ARHGEF17: variants seen among roughly 807,000 people sequenced by gnomAD.
ARHGEF17 encodes Rho guanine nucleotide exchange factor 17, also known as 164 kDa Rho-specific guanine-nucleotide exchange factor.
A neutral mutation model predicts 174.0 loss-of-function variants in ARHGEF17; 80 were observed. The observed-to-expected ratio is 0.46, with a 90% CI of 0.38 to 0.55. The LOEUF (loss-of-function observed/expected upper bound fraction) is 0.55. ARHGEF17 is among the 20% of genes least tolerant of loss of function. The pLI, the probability that ARHGEF17 is intolerant of heterozygous loss-of-function variation, is 0.00. For synonymous variants in ARHGEF17, 1,311 were observed against 1,189.1 expected, an observed-to-expected ratio of 1.10 and a Z score of -2.11; for missense variants, 2,886 against 2,839.7, an observed-to-expected ratio of 1.02 and a Z score of -0.37.
chr11:73,356,941 CAGTGTCCCCT>C (rs2134418179), intron 7 of ARHGEF17, 74 bp from the exon 8 acceptor site: 1 of 1,514,624 alleles, frequency 6.6e-7, no homozygotes, highest in Non-Finnish European at 9.1e-7. Context: ...CCCTGGGTCT[CAGTGTCCCCT>C]TGGGCACTAT....
intron 1 of ARHGEF17, among the ~76,000 whole-genome samples, chr11:73,335,188 A>G (rs1865266692): frequency 6.6e-6 from 1 of 152,062 alleles, no homozygotes; most frequent in Admixed American, 6.5e-5. Context: ...AGTCCTACCT[A>G]CCCTAAGGCC....
intron 5 of ARHGEF17, 68 bp from the exon 6 acceptor site, chr11:73,356,107 C>T: frequency 1.3e-6 from 2 of 1,591,240 alleles, no homozygotes; most frequent in Non-Finnish European, 1.7e-6. Context: ...CATAGTCCCT[C>T]CTGCTCCAGC....
rs774190875 is a variant in ARHGEF17, at chr11:73,356,235, C to T, written c.3724C>T (p.Arg1242Trp). ...CCATCCACTCCTGCTGGAGGCGCAG[C>T]GGAACATCAAGCAGGTGGCTGAGCG... The part of the protein sequence containing the change: ...PDHPLLLEAQ[R>W]NIKQVAERIN... Residue 1242 changes from arginine (R) to tryptophan (W), a missense_variant, in exon 6 of 21, where the codon CGG becomes TGG. Physicochemically the swap from Arg to Trp is moderately radical, Grantham distance 101. This residue lies in a region of ARHGEF17 where 353 missense variants were observed against 470.3 expected (regional missense o/e 0.75). Coordinates refer to ENST00000263674, the MANE Select transcript of ARHGEF17 (RefSeq NM_014786.4). The T allele has an allele frequency of 4.6e-5, 75 of 1,613,906 alleles. No individual in the cohort carries two copies. Among genetic ancestry groups the T allele is most frequent in the Admixed American group, 3.7e-4 (22 of 60,016 alleles).
At position 73,310,161 on chromosome 11, in the gene ARHGEF17, C is replaced by T. The variant is rs375338956; in HGVS notation, c.1523C>T (p.Pro508Leu). Residue 508 changes from proline to leucine, a missense_variant, in exon 1 of 21, where the codon CCA (proline) becomes CTA (leucine). Pro to Leu is a moderately conservative substitution (Grantham distance 98, BLOSUM62 -3). Around this residue, in one of 4 missense-constraint regions of ARHGEF17, gnomAD observed 1,728 missense variants for 1,461.2 expected, o/e 1.18. Coordinates refer to ENST00000263674, the MANE Select transcript of ARHGEF17 (RefSeq NM_014786.4). ...GSNPLDGRDS[P>L]SAGGPVGQLE... ...AACCCCCTAGATGGCAGAGACTCACCATCCGCAGGTGGCCCTGTGGGGCAA... is the reference window on the plus strand; with the variant it reads ...AACCCCCTAGATGGCAGAGACTCACTATCCGCAGGTGGCCCTGTGGGGCAA... The T allele has an allele frequency of 5.6e-6, 9 of 1,613,894 alleles. No homozygotes were observed. The African/African-American group carries it at 8.0e-5, about 14-fold the overall frequency.
rs967870380 is a variant in ARHGEF17, at chr11:73,309,041, G to T, written c.403G>T (p.Gly135Cys). ...SVTEMRKLFG[G>C]PGSRRPSADS... ...CACCGAGATGCGCAAGCTCTTCGGC[G>T]GTCCTGGCTCCAGGAGGCCCAGCGC... Residue 135 changes from glycine to cysteine, a missense_variant, in exon 1 of 21, where the codon GGT (glycine) becomes TGT (cysteine). By Grantham distance (159) the Gly-to-Cys change is radical. Coordinates refer to ENST00000263674, the MANE Select transcript of ARHGEF17 (RefSeq NM_014786.4). 1.4e-6 allele frequency: 2 copies of T among 1,445,564 alleles called. No individual in the cohort carries two copies. The highest frequency in any genetic ancestry group is 3.0e-5 in the African/African-American group (2 of 66,618). The allele number at this position is 1,445,564 out of a possible 1,614,324, so 89.5% of individuals were successfully genotyped here. A position where few individuals can be genotyped will look rare whatever the true frequency, so the allele number is the denominator to read the frequency against.
chr11:73,363,061 G>T, intron 14 of ARHGEF17, 145 bp from the exon 15 acceptor site: 1 of 1,181,620 alleles, frequency 8.5e-7, no homozygotes. Context: ...AGGGCAGCAG[G>T]GCAGCAGACC....
At chr11:73,338,031 A>C (rs1335218090) in intron 1 of ARHGEF17, among the ~76,000 whole-genome samples, 2 of 152,194 alleles carry the variant, frequency 1.3e-5, no homozygotes, top group Admixed American at 1.3e-4. Context: ...CTGAGCAGCC[A>C]GTCCCCAGGG....
At chr11:73,337,378 T>C (rs1206228194) in intron 1 of ARHGEF17, among the ~76,000 whole-genome samples, 1 of 140,126 alleles carries the variant, frequency 7.1e-6, no homozygotes, top group African/African-American at 2.7e-5. Context: ...CACTCCAGCC[T>C]GGGTGACAGA....
chr11:73,342,694 G>A (rs904881650), intron 1 of ARHGEF17, among the ~76,000 whole-genome samples: 9 of 152,142 alleles, frequency 5.9e-5, no homozygotes, highest in Non-Finnish European at 8.8e-5. Flanking sequence ...AGCGTGTGCC[G>A]GCGCTGGGTA....
intron 1 of ARHGEF17, among the ~76,000 whole-genome samples, chr11:73,313,467 G>A (rs899295677): frequency 6.6e-6 from 1 of 152,188 alleles, no homozygotes; most frequent in African/African-American, 2.4e-5. Flanking sequence ...GTGGGTTGGG[G>A]GTGCTTCTAA....
At chr11:73,360,986 C>T in intron 11 of ARHGEF17, 102 bp from the exon 12 acceptor site, 1 of 958,172 alleles carries the variant, frequency 1.0e-6, no homozygotes, top group Non-Finnish European at 1.6e-6. Flanking sequence ...CTAAAGAGAC[C>T]CTGAGGGGCA....
intron 5 of ARHGEF17, 72 bp from the exon 6 acceptor site, chr11:73,356,103 C>T (rs1865633131): frequency 2.5e-6 from 4 of 1,584,974 alleles, no homozygotes; most frequent in Non-Finnish European, 3.4e-6. Flanking sequence ...TACCCATAGT[C>T]CCTCCTGCTC....
chr11:73,338,610 C>A (rs1169467036), intron 1 of ARHGEF17, among the ~76,000 whole-genome samples: 1 of 152,076 alleles, frequency 6.6e-6, no homozygotes, highest in African/African-American at 2.4e-5. Context: ...ACCACCTAAA[C>A]CTTCAGGAGA....
In ARHGEF17 at chr11:73,329,348, TA is replaced by T. The variant is rs1565193597; in HGVS notation, c.3192+17519del. On this transcript the variant is annotated intron_variant, in intron 1 of 20. Transcript: ENST00000263674. The stretch of plus-strand genomic sequence containing the variant: ...ATATATATATATATATATATATATA[TA>T]TATATATATATATATATATATATAT... 1.1e-3 allele frequency among the ~76,000 whole-genome samples: 45 copies of T among 40,378 alleles called. 2 individuals carry two copies. The highest frequency in any genetic ancestry group is 8.5e-3 in the South Asian group (11 of 1,298). The allele number at this position is 40,378 out of a possible 152,430, so 26.5% of individuals were successfully genotyped here.
chr11:73,348,212 C>T (rs953605574), intron 2 of ARHGEF17, among the ~76,000 whole-genome samples: 4 of 152,196 alleles, frequency 2.6e-5, no homozygotes, highest in Non-Finnish European at 4.4e-5. Context: ...CATTCACTCA[C>T]TCACCATTCA....
intron 1 of ARHGEF17, among the ~76,000 whole-genome samples, chr11:73,331,254 C>T (rs1442086911): frequency 6.6e-6 from 1 of 152,196 alleles, no homozygotes; most frequent in Admixed American, 6.5e-5. Context: ...GTGTCCCATA[C>T]CCCTAGCCCT....
chr11:73,366,134 TGTGTGTGC>T (rs1565212119), intron 20 of ARHGEF17, among the ~76,000 whole-genome samples, 187 bp downstream of exon 20: 1 of 152,106 alleles, frequency 6.6e-6, no homozygotes, highest in Non-Finnish European at 1.5e-5. Context: ...TGTGTGTGTG[TGTGTGTGC>T]GCACCTGCAT....
intron 6 of ARHGEF17, 158 bp from the exon 7 acceptor site, chr11:73,356,551 G>A: frequency 8.6e-7 from 1 of 1,165,086 alleles, no homozygotes; most frequent in Non-Finnish European, 1.2e-6. Flanking sequence ...TCTGACCTTG[G>A]GTCCTGTGGC....
chr11:73,341,451 C>T, intron 1 of ARHGEF17, among the ~76,000 whole-genome samples: 1 of 152,080 alleles, frequency 6.6e-6, no homozygotes. Flanking sequence ...GGATTACAGG[C>T]ATGCGCCACC....
Sources: gnomAD v4.1 joint callset for allele counts (sites outside exome capture counted in the v4.1 genomes callset) on GRCh38, gnomAD v4.1.1 for gene constraint, gnomAD v4.1.1 regional missense constraint, MANE v1.5 for transcripts, NCBI Gene and HGNC (gene_info 2026-07-23, HGNC 2026-07-21) for gene names.